The following SLCO1B1 variants were observed in gnomAD, a reference collection of about 807,000 sequenced individuals.
SLCO1B1 encodes solute carrier organic anion transporter family member 1B1.
In SLCO1B1, 81 loss-of-function variants were observed where a neutral mutation model predicts 70.1. The observed-to-expected ratio is 1.16, with a 90% confidence interval of 0.97 to 1.39. The LOEUF (loss-of-function observed/expected upper bound fraction) is 1.39, where lower values mean the gene tolerates loss of function less well. Ranked by LOEUF, SLCO1B1 falls within the 40% of genes most tolerant of loss-of-function variation. SLCO1B1 has a pLI of 0.00. For missense variants in SLCO1B1, 895 were observed against 799.6 expected (o/e 1.12, Z -1.44); for synonymous variants, 283 against 271.5 (o/e 1.04, Z -0.42).
intron 7 of SLCO1B1, among the ~76,000 whole-genome samples, chr12:21,188,949 C>A (rs1940994463): frequency 6.6e-6 from 1 of 152,176 alleles, no homozygotes; most frequent in African/African-American, 2.4e-5. Context: ...GAATATCCTT[C>A]TTTTTAAAGA....
At chr12:21,238,895 A>G (rs1258118983) in intron 14 of SLCO1B1, 84 bp from the exon 15 acceptor site, 5 of 754,664 alleles carry the variant, frequency 6.6e-6, no homozygotes, top group Non-Finnish European at 8.8e-6. Context: ...TTTTTTCTTT[A>G]GGATCTGGAT....
Position 21,224,279 on chromosome 12 carries a change from T to TA in SLCO1B1, c.1748-430dup, listed in dbSNP as rs4149105. The stretch of plus-strand genomic sequence containing the variant: ...CTTTTAAATTCTCTTAAAATAATGT[T>TA]AAAAAAAAAAAAAGTCTGCTTTTAC... On this transcript the variant is annotated intron_variant, in intron 13 of 14. Transcript: ENST00000256958. Among the ~76,000 whole-genome samples, 343 of 143,460 alleles carry TA rather than the reference T, an allele frequency of 2.4e-3. 1 individual carries two copies. The highest frequency in any genetic ancestry group is 2.9e-3 in the Non-Finnish European group (188 of 64,938). The allele number at this position is 143,460 out of a possible 152,430, so 94.1% of individuals were successfully genotyped here. A position where few individuals can be genotyped will look rare whatever the true frequency, so the allele number is the denominator to read the frequency against.
intron 4 of SLCO1B1, among the ~76,000 whole-genome samples, chr12:21,175,995 A>T (rs112250844): frequency 6.6e-6 from 1 of 151,922 alleles, no homozygotes; most frequent in Non-Finnish European, 1.5e-5. Flanking sequence ...CTACCCTTCT[A>T]TTCATCTTCC....
At chr12:21,150,863 T>A (rs1203475782) in intron 2 of SLCO1B1, among the ~76,000 whole-genome samples, 1 of 152,212 alleles carries the variant, frequency 6.6e-6, no homozygotes, top group Non-Finnish European at 1.5e-5. Flanking sequence ...AGACAACATA[T>A]AGTTGGTTCT....
chr12:21,204,767 C>A (rs943722732), intron 10 of SLCO1B1, among the ~76,000 whole-genome samples: 1 of 151,790 alleles, frequency 6.6e-6, no homozygotes. Context: ...CTTTTGGTGT[C>A]TAGGAAGGGC....
intron 2 of SLCO1B1, among the ~76,000 whole-genome samples, chr12:21,163,434 C>G (rs931464861): frequency 6.6e-6 from 1 of 152,052 alleles, no homozygotes. Flanking sequence ...TATATTATTT[C>G]AAAGGGTGTT....
Position 21,141,627 on chromosome 12 carries a change from A to G in SLCO1B1, c.53A>G (p.Asn18Ser). 6.2e-7 allele frequency: 1 copy of G among 1,608,684 alleles called. No individual in the cohort carries two copies. The highest frequency in any genetic ancestry group is 8.5e-7 in the Non-Finnish European group (1 of 1,176,048). Residue 18 changes from asparagine (N) to serine (S), a missense_variant, in exon 2 of 15, where the codon AAT (asparagine) becomes AGT (serine). Physicochemically the swap from Asn to Ser is conservative, Grantham distance 46. Transcript: ENST00000256958. The stretch of plus-strand genomic sequence containing the variant: ...ACAGCAGAGGCACAACCTTCAGAGA[A>G]TAAGAAAACAAGATACTGCAATGGA... Reference protein sequence around the residue: ...NKTAEAQPSENKKTRYCNGLK... With the variant: ...NKTAEAQPSESKKTRYCNGLK...
intron 8 of SLCO1B1, 136 bp from the exon 9 acceptor site, chr12:21,200,372 T>C (rs1173831127): frequency 2.0e-6 from 1 of 503,772 alleles, no homozygotes; most frequent in Non-Finnish European, 3.5e-6. Flanking sequence ...GCCTGTGGTA[T>C]TGCAGGCTAT....
intron 2 of SLCO1B1, among the ~76,000 whole-genome samples, chr12:21,170,711 T>A (rs1406494561): frequency 6.6e-6 from 1 of 152,220 alleles, no homozygotes; most frequent in Non-Finnish European, 1.5e-5. Flanking sequence ...TTAGATAACT[T>A]TTTACATTTT....
At chr12:21,137,085 C>A (rs544890136) in intron 1 of SLCO1B1, among the ~76,000 whole-genome samples, 44 of 152,296 alleles carry the variant, frequency 2.9e-4, no homozygotes, top group African/African-American at 1.1e-3. Flanking sequence ...TTAGAGTTTG[C>A]TAGAGGTCCA....
rs569411736 is a variant in SLCO1B1, at chr12:21,194,165, G to A, written c.728-2781G>A. Among the ~76,000 whole-genome samples the A allele has an allele frequency of 2.0e-5, 3 of 150,946 alleles. No homozygotes were observed. The South Asian group carries it at 6.3e-4, about 32-fold the overall frequency. On this transcript the variant is annotated intron_variant, in intron 7 of 14. Transcript: ENST00000256958. ...CAAAATGCAGCCAAGTACTTTGCCC[G>A]ACACCATGCCCGGCTTATTTTGTAC...
chr12:21,133,922 G>C (rs1940177704), intron 1 of SLCO1B1, among the ~76,000 whole-genome samples: 1 of 152,116 alleles, frequency 6.6e-6, no homozygotes, highest in Non-Finnish European at 1.5e-5. Context: ...GTTTTCAAAG[G>C]GAATGCTTCC....
At chr12:21,167,266 A>G (rs1234230682) in intron 2 of SLCO1B1, among the ~76,000 whole-genome samples, 2 of 152,236 alleles carry the variant, frequency 1.3e-5, no homozygotes, top group Admixed American at 6.5e-5. Context: ...TTACAAATTA[A>G]TGAAATCTAA....
intron 12 of SLCO1B1, among the ~76,000 whole-genome samples, chr12:21,219,450 A>T (rs1361810011): frequency 6.6e-6 from 1 of 152,202 alleles, no homozygotes; most frequent in African/African-American, 2.4e-5. Context: ...GCAGCAAGAG[A>T]GCTAGCCTAG....
intron 14 of SLCO1B1, among the ~76,000 whole-genome samples, chr12:21,235,860 C>CT (rs1941591431): frequency 6.6e-6 from 1 of 151,880 alleles, no homozygotes; most frequent in South Asian, 2.1e-4. Context: ...TTTTGTAAGT[C>CT]TAACAATAGG....
intron 2 of SLCO1B1, among the ~76,000 whole-genome samples, chr12:21,145,801 A>G (rs1940375288): frequency 6.6e-6 from 1 of 152,110 alleles, no homozygotes; most frequent in Admixed American, 6.5e-5. Context: ...TCTTATAAAT[A>G]TTATATTTTG....
chr12:21,187,681 G>A (rs1008007344), intron 7 of SLCO1B1, among the ~76,000 whole-genome samples: 4 of 151,660 alleles, frequency 2.6e-5, no homozygotes, highest in African/African-American at 9.7e-5. Flanking sequence ...AAAAAAAAGT[G>A]AAAGTCATTA....
chr12:21,172,918 T>G (rs1045069786), intron 3 of SLCO1B1, 127 bp downstream of exon 3: 1 of 882,012 alleles, frequency 1.1e-6, no homozygotes, highest in South Asian at 1.6e-5. Flanking sequence ...CTAAAAACAT[T>G]TGTGGTTGTC....
intron 2 of SLCO1B1, among the ~76,000 whole-genome samples, chr12:21,158,411 A>G (rs1940569621): frequency 6.6e-6 from 1 of 152,128 alleles, no homozygotes; most frequent in South Asian, 2.1e-4. Context: ...AATTTCTCAC[A>G]TTAGGCTAGG....
Sources: allele counts gnomAD v4.1 joint callset (sites outside exome capture counted in the v4.1 genomes callset), GRCh38; gene constraint gnomAD v4.1.1; transcripts MANE v1.5; gene names NCBI Gene and HGNC (gene_info 2026-07-23, HGNC 2026-07-21).